The following FRAS1 variants were observed in gnomAD, a reference collection of about 807,000 sequenced individuals.
FRAS1 encodes extracellular matrix organizing protein FRAS1.
Under a neutral mutation model 435.2 loss-of-function variants are expected in FRAS1, and 290 were observed. That is an observed-to-expected ratio of 0.67 (90% CI 0.61 to 0.73). The LOEUF (loss-of-function observed/expected upper bound fraction) is 0.73. Among genes scored for constraint, FRAS1 ranks in the 30% least tolerant of loss-of-function variants. FRAS1 has a pLI of 0.00. For missense variants in FRAS1, 4,860 were observed against 5,001.5 expected, an observed-to-expected ratio of 0.97 and a Z score of 0.85; for synonymous variants, 1,800 against 1,851.0, an observed-to-expected ratio of 0.97 and a Z score of 0.71.
chr4:78,130,649 A>G (rs1300591722), intron 2 of FRAS1, among the ~76,000 whole-genome samples: 2 of 152,144 alleles, frequency 1.3e-5, no homozygotes, highest in Admixed American at 6.5e-5. Flanking sequence ...GTCTACCCCA[A>G]TCCAGGCACT....
chr4:78,464,656 C>T, intron 49 of FRAS1, 73 bp downstream of exon 49: 1 of 1,517,118 alleles, frequency 6.6e-7, no homozygotes, highest in South Asian at 1.2e-5. Flanking sequence ...CACGTTGCAG[C>T]TGTGCATCCT....
intron 71 of FRAS1, among the ~76,000 whole-genome samples, chr4:78,535,710 A>G (rs959822780): frequency 6.6e-6 from 1 of 152,216 alleles, no homozygotes; most frequent in Non-Finnish European, 1.5e-5. Context: ...AATAGCCCCT[A>G]CCAGGTCTCT....
intron 2 of FRAS1, among the ~76,000 whole-genome samples, chr4:78,219,010 T>C (rs1214418652): frequency 1.3e-5 from 2 of 152,238 alleles, no homozygotes; most frequent in East Asian, 3.8e-4. Flanking sequence ...AGGGTTCATT[T>C]TCCCTAATAG....
Position 78,379,843 on chromosome 4 carries a change from A to G in FRAS1, c.3410A>G (p.Asp1137Gly), listed in dbSNP as rs1440502958. ...CAAGACCAGGAGGGTAGGGTCGAAGATCTCCTATTTCATGTTGTGAGCACT... is the reference window on the plus strand; with the variant it reads ...CAAGACCAGGAGGGTAGGGTCGAAGGTCTCCTATTTCATGTTGTGAGCACT... The part of the protein sequence containing the change: ...NVQDQEGRVE[D>G]LLFHVVSTPT... Residue 1137 changes from aspartate (D) to glycine (G), a missense_variant, in exon 27 of 74, where the codon GAT becomes GGT. By Grantham distance (94) the Asp-to-Gly change is moderately conservative. Transcript: ENST00000512123. 5.6e-6 allele frequency: 9 copies of G among 1,613,728 alleles called. No individual in the cohort carries two copies. In the African/African-American group the frequency reaches 8.0e-5, roughly 14 times the overall value.
chr4:78,463,357 TAA>T (rs1249213517), intron 47 of FRAS1, among the ~76,000 whole-genome samples: 1 of 152,202 alleles, frequency 6.6e-6, no homozygotes, highest in Non-Finnish European at 1.5e-5. Flanking sequence ...ATTATGTTAT[TAA>T]AGGATATTGT....
chr4:78,424,348 A>G, intron 34 of FRAS1, 40 bp from the exon 35 acceptor site: 1 of 1,215,258 alleles, frequency 8.2e-7, no homozygotes, highest in Non-Finnish European at 1.1e-6. Context: ...CTCTGATCCC[A>G]AAGTGTTTAA....
At chr4:78,434,698 T>G (rs182956271) in intron 38 of FRAS1, among the ~76,000 whole-genome samples, 2 of 151,956 alleles carry the variant, frequency 1.3e-5, no homozygotes, top group Non-Finnish European at 2.9e-5. Flanking sequence ...GAGCCAGATA[T>G]GAGATCAACA....
At chr4:78,504,972 C>T (rs773184716) in intron 61 of FRAS1, among the ~76,000 whole-genome samples, 3 of 152,134 alleles carry the variant, frequency 2.0e-5, no homozygotes, top group Non-Finnish European at 4.4e-5. Flanking sequence ...TTTATTTCTC[C>T]TTCACTTATG....
chr4:78,181,411 G>A (rs1578170725), intron 2 of FRAS1: 2 of 1,611,910 alleles, frequency 1.2e-6, no homozygotes. Flanking sequence ...GTTTGTCCTC[G>A]TGCTTCAGGC....
chr4:78,489,921 T>C (rs1332246368), intron 59 of FRAS1, among the ~76,000 whole-genome samples: 1 of 127,020 alleles, frequency 7.9e-6, no homozygotes, highest in East Asian at 2.4e-4. Flanking sequence ...GTACATGAAA[T>C]CTCATGCATA....
chr4:78,258,011 G>T (rs996050769), intron 6 of FRAS1, among the ~76,000 whole-genome samples: 1 of 151,994 alleles, frequency 6.6e-6, no homozygotes, highest in Non-Finnish European at 1.5e-5. Context: ...TAATTAATCC[G>T]AGTAGTTTGA....
intron 2 of FRAS1, among the ~76,000 whole-genome samples, chr4:78,157,969 T>C (rs1720966957): frequency 6.6e-6 from 1 of 152,194 alleles, no homozygotes; most frequent in Non-Finnish European, 1.5e-5. Context: ...TTGTTGAATA[T>C]AAGTTGGTTT....
intron 2 of FRAS1, among the ~76,000 whole-genome samples, chr4:78,203,981 TAGAGGG>T (rs1723151010): frequency 2.0e-5 from 3 of 152,338 alleles, no homozygotes; most frequent in South Asian, 4.1e-4. Context: ...AACATAGTGC[TAGAGGG>T]CTGTCTAGTG....
At chr4:78,392,898 A>G (rs1732507403) in intron 29 of FRAS1, among the ~76,000 whole-genome samples, 1 of 151,976 alleles carries the variant, frequency 6.6e-6, no homozygotes, top group Non-Finnish European at 1.5e-5. Flanking sequence ...AAAAGATGAT[A>G]TATACCCTTC....
rs554575465 is a variant in FRAS1 at position 78,306,858 on chromosome 4, T to C, written c.1535-1208T>C. ...ATTTGATTGTCTGAAGCCTTCTTCT[T>C]TCAGCTCGTCAAAGTCATTCTCCAT... On this transcript the variant is annotated intron_variant, in intron 14 of 73. Coordinates refer to ENST00000512123, the MANE Select transcript of FRAS1 (RefSeq NM_025074.7). Among the ~76,000 whole-genome samples, 1,053 of 152,354 alleles carry C rather than the reference T, an allele frequency of 6.9e-3. 4 individuals carry two copies. The highest frequency in any genetic ancestry group is 0.01 in the Non-Finnish European group (711 of 68,036).
chr4:78,267,646 C>A (rs1253674717), intron 9 of FRAS1, among the ~76,000 whole-genome samples: 1 of 152,202 alleles, frequency 6.6e-6, no homozygotes, highest in Non-Finnish European at 1.5e-5. Context: ...GATCTTTTAG[C>A]TCTCAGTACA....
At chr4:78,540,059 C>T (rs147350507) in intron 73 of FRAS1, among the ~76,000 whole-genome samples, 1 of 152,240 alleles carries the variant, frequency 6.6e-6, no homozygotes, top group Non-Finnish European at 1.5e-5. Flanking sequence ...ATGTTTGTCA[C>T]GTATCTGTGT....
intron 2 of FRAS1, among the ~76,000 whole-genome samples, chr4:78,067,232 T>C (rs1312138205): frequency 2.6e-5 from 4 of 152,154 alleles, no homozygotes; most frequent in African/African-American, 4.8e-5. Context: ...CATGTATCAT[T>C]CCATACTCTT....
At chr4:78,317,329 C>T (rs1199435147) in intron 16 of FRAS1, 39 bp from the exon 17 acceptor site, 3 of 1,612,620 alleles carry the variant, frequency 1.9e-6, no homozygotes, top group African/African-American at 1.3e-5. Flanking sequence ...TTTATTCACC[C>T]ATGTCCCATG....
Sources: allele counts gnomAD v4.1 joint callset (sites outside exome capture counted in the v4.1 genomes callset), GRCh38; gene constraint gnomAD v4.1.1; transcripts MANE v1.5; gene names NCBI Gene and HGNC (gene_info 2026-07-23, HGNC 2026-07-21).